The following ROBO2 variants were observed in gnomAD, a reference collection of about 807,000 sequenced individuals.
ROBO2 encodes the protein roundabout homolog 2.
ROBO2 carries 53 observed loss-of-function variants against 160.8 expected under a neutral mutation model. The ratio of observed to expected loss-of-function variants is 0.33; its 90% CI spans 0.26 to 0.41. The LOEUF is 0.41. Ranked by LOEUF, ROBO2 falls within the 10% of genes least tolerant of loss-of-function variation. The pLI is 1.00. For synonymous variants in ROBO2, 664 were observed against 611.7 expected (o/e 1.09, Z -1.26); for missense variants, 1,577 against 1,722.4 (o/e 0.92, Z 1.49).
At chr3:76,681,865 G>C (rs2092572505) in intron 2 of ROBO2, among the ~76,000 whole-genome samples, 1 of 152,104 alleles carries the variant, frequency 6.6e-6, no homozygotes, top group African/African-American at 2.4e-5. Flanking sequence ...AGATAGGCAA[G>C]GGCTAGATTA....
chr3:76,143,458 C>T (rs1027349922), intron 2 of ROBO2, among the ~76,000 whole-genome samples: 5 of 152,010 alleles, frequency 3.3e-5, no homozygotes, highest in Non-Finnish European at 7.4e-5. Context: ...GAATTATATA[C>T]ACAACCACCA....
intron 2 of ROBO2, among the ~76,000 whole-genome samples, chr3:77,307,482 A>T (rs1166280776): frequency 3.3e-5 from 5 of 152,130 alleles, no homozygotes; most frequent in South Asian, 2.1e-4. Context: ...ATCACCAAGG[A>T]CATGTTTCTT....
intron 4 of ROBO2, among the ~76,000 whole-genome samples, chr3:77,490,367 G>T (rs1013905138): frequency 6.6e-6 from 1 of 152,086 alleles, no homozygotes; most frequent in African/African-American, 2.4e-5. Context: ...TGGGATTACA[G>T]GCGTGAGCCA....
chr3:77,645,965 T>C (rs2095409287), intron 25 of ROBO2, 89 bp from the exon 28 acceptor site: 5 of 870,808 alleles, frequency 5.7e-6, no homozygotes, highest in Non-Finnish European at 3.6e-6. Flanking sequence ...TTTTCATTGA[T>C]TATCTGTTGG....
chr3:76,624,135 C>T (rs1475826974), intron 2 of ROBO2, among the ~76,000 whole-genome samples: 2 of 151,994 alleles, frequency 1.3e-5, no homozygotes, highest in East Asian at 1.9e-4. Flanking sequence ...TAAGAATTAA[C>T]TGCTAATGTA....
At chr3:77,100,211 A>C (rs1259374825) in intron 2 of ROBO2, among the ~76,000 whole-genome samples, 1 of 152,084 alleles carries the variant, frequency 6.6e-6, no homozygotes, top group Admixed American at 6.6e-5. Context: ...TTTTGAAGTA[A>C]ATGAGCTTTA....
chr3:76,298,513 G>C (rs900297083), intron 2 of ROBO2, among the ~76,000 whole-genome samples: 2 of 152,134 alleles, frequency 1.3e-5, no homozygotes, highest in Admixed American at 1.3e-4. Context: ...ACATCAAGGG[G>C]TATCACTGTG....
chr3:77,376,466 A>AT (rs1170156477), intron 2 of ROBO2, among the ~76,000 whole-genome samples: 1 of 151,874 alleles, frequency 6.6e-6, no homozygotes, highest in Admixed American at 6.6e-5. Flanking sequence ...CTTAACTTTC[A>AT]TTTTTTAAAA....
intron 2 of ROBO2, among the ~76,000 whole-genome samples, chr3:77,419,987 G>A (rs1187468815): frequency 6.6e-6 from 1 of 152,002 alleles, no homozygotes; most frequent in Non-Finnish European, 1.5e-5. Context: ...ACAAACTGAG[G>A]CAATTTGCAT....
rs555386888 is a variant in ROBO2 at position 76,636,753 on chromosome 3, G to C, written c.110-461261G>C. ...AACCATAGCTCCCAGGACATTAGAG[G>C]TGACTTCAGAGTGGTGCTCCTAATG... is the stretch of plus-strand genomic sequence containing the variant. On this transcript the variant is annotated intron_variant, in intron 2 of 26. Transcript: ENST00000487694. Among the ~76,000 whole-genome samples, 15 of 152,256 alleles carry C rather than the reference G, an allele frequency of 9.9e-5. No individual in the cohort carries two copies. In the East Asian group the frequency reaches 2.9e-3, roughly 29 times the overall value.
intron 2 of ROBO2, among the ~76,000 whole-genome samples, chr3:76,711,174 C>G (rs1396740518): frequency 6.6e-6 from 1 of 152,196 alleles, no homozygotes; most frequent in Non-Finnish European, 1.5e-5. Flanking sequence ...ACTCACATTT[C>G]TGCAGGATTA....
chr3:77,491,474 T>A (rs2086103835), intron 4 of ROBO2, among the ~76,000 whole-genome samples: 1 of 152,180 alleles, frequency 6.6e-6, no homozygotes, highest in African/African-American at 2.4e-5. Flanking sequence ...CTATTAGCAT[T>A]TGGGACCCTC....
At chr3:76,739,486 T>TGGGGGAG (rs1314460199) in intron 2 of ROBO2, among the ~76,000 whole-genome samples, 1 of 30,744 alleles carries the variant, frequency 3.3e-5, no homozygotes, top group Non-Finnish European at 6.5e-5. Flanking sequence ...GTTGTGGGGT[T>TGGGGGAG]GGGGGAGGGG....
At chr3:77,295,814 T>C (rs1339723329) in intron 2 of ROBO2, among the ~76,000 whole-genome samples, 1 of 129,832 alleles carries the variant, frequency 7.7e-6, no homozygotes, top group African/African-American at 3.0e-5. Context: ...GCTAGAGCAC[T>C]AAAGACATAA....
chr3:76,885,697 T>C (rs1272734114), intron 2 of ROBO2, among the ~76,000 whole-genome samples: 1 of 152,192 alleles, frequency 6.6e-6, no homozygotes, highest in Admixed American at 6.5e-5. Flanking sequence ...TGGTTGGTAC[T>C]TATGAACTAT....
At chr3:76,395,659 A>G (rs1460644752) in intron 2 of ROBO2, among the ~76,000 whole-genome samples, 2 of 152,160 alleles carry the variant, frequency 1.3e-5, no homozygotes, top group Non-Finnish European at 2.9e-5. Context: ...GATCCCACAG[A>G]AATACAAACT....
chr3:77,163,316 G>C (rs2078663580), intron 2 of ROBO2, among the ~76,000 whole-genome samples: 2 of 152,138 alleles, frequency 1.3e-5, no homozygotes, highest in Non-Finnish European at 2.9e-5. Flanking sequence ...TCTATACATA[G>C]ATTTTACAAA....
At chr3:77,164,947 G>GC (rs1287823030) in intron 2 of ROBO2, among the ~76,000 whole-genome samples, 2 of 138,220 alleles carry the variant, frequency 1.4e-5, no homozygotes, top group Admixed American at 7.1e-5. Context: ...GGGGCGGTCA[G>GC]CCCCCCAACC....
intron 2 of ROBO2, among the ~76,000 whole-genome samples, chr3:76,101,916 G>A (rs2069702706): frequency 7.1e-6 from 1 of 141,208 alleles, no homozygotes. Context: ...TGTTCCCATT[G>A]TACCCCAGGG....
Sources: gnomAD v4.1 joint callset for allele counts (sites outside exome capture counted in the v4.1 genomes callset) on GRCh38, gnomAD v4.1.1 for gene constraint, MANE v1.5 for transcripts, NCBI Gene and HGNC (gene_info 2026-07-23, HGNC 2026-07-21) for gene names.